Variants in NCAPG2 observed in about 807,000 individuals in gnomAD.
NCAPG2 encodes non-SMC condensin II complex subunit G2.
In NCAPG2, 53 loss-of-function variants were observed where a neutral mutation model predicts 141.1. That is an observed-to-expected ratio of 0.38 (90% CI 0.30 to 0.47). The LOEUF is 0.47. Among genes scored for constraint, NCAPG2 ranks in the 20% least tolerant of loss-of-function variants. The pLI is 0.99. For missense variants in NCAPG2, 1,087 were observed against 1,389.0 expected (o/e 0.78, Z 3.46); for synonymous variants, 499 against 490.7 (o/e 1.02, Z -0.22).
intron 11 of NCAPG2, among the ~76,000 whole-genome samples, chr7:158,677,174 ATAC>A (rs1171804164): frequency 6.6e-6 from 1 of 152,168 alleles, no homozygotes; most frequent in East Asian, 1.9e-4. Flanking sequence ...CCAGGAAGAG[ATAC>A]TGGGCAACAG....
intron 17 of NCAPG2, among the ~76,000 whole-genome samples, 187 bp downstream of exon 17, chr7:158,658,149 TAA>T (rs11444440): frequency 2.1e-4 from 20 of 97,476 alleles, no homozygotes; most frequent in Non-Finnish European, 1.5e-4. Flanking sequence ...GAATGATCAA[TAA>T]AAAAAAAAAA....
chr7:158,684,781 G>A (rs1221268891), intron 8 of NCAPG2, among the ~76,000 whole-genome samples: 1 of 152,230 alleles, frequency 6.6e-6, no homozygotes, highest in Non-Finnish European at 1.5e-5. Flanking sequence ...TCAAACTCCT[G>A]ACCTCAGGTG....
intron 2 of NCAPG2, among the ~76,000 whole-genome samples, chr7:158,697,688 C>T (rs990717466): frequency 2.7e-5 from 4 of 150,462 alleles, no homozygotes; most frequent in Non-Finnish European, 4.4e-5. Flanking sequence ...ATGGAATAAA[C>T]CTAAATGCCC....
intron 2 of NCAPG2, among the ~76,000 whole-genome samples, chr7:158,694,381 G>A (rs533996835): frequency 1.3e-4 from 20 of 152,218 alleles, no homozygotes; most frequent in Non-Finnish European, 1.5e-5. Context: ...AGGAATTATC[G>A]GGAGATGCTG....
intron 13 of NCAPG2, chr7:158,667,064 C>G (rs988159313): frequency 2.2e-6 from 2 of 918,232 alleles, no homozygotes; most frequent in Non-Finnish European, 2.6e-6. Context: ...GCCAGCCAGA[C>G]TGCCTCTTAT....
chr7:158,631,621 G>A lies in NCAPG2; in HGVS notation c.*45C>T, dbSNP rs935488601. ...GGAAAATACACAGGCATTTCAATTT[G>A]AATCACTTTTCCCTATTTTTACATG... On this transcript the variant is annotated 3_prime_UTR_variant, in exon 28 of 28. Coordinates refer to ENST00000356309, the MANE Select transcript of NCAPG2 (RefSeq NM_017760.7). 5 of 1,464,104 alleles carry A rather than the reference G, an allele frequency of 3.4e-6. No individual in the cohort carries two copies. The African/African-American group carries it at 4.2e-5, about 12-fold the overall frequency. 90.7% of individuals were successfully genotyped at this position (1,464,104 alleles called of 1,614,324 possible).
At chr7:158,674,377 C>T (rs1028505360) in intron 12 of NCAPG2, among the ~76,000 whole-genome samples, 1 of 151,944 alleles carries the variant, frequency 6.6e-6, no homozygotes, top group Non-Finnish European at 1.5e-5. Flanking sequence ...ACCTCTGCTT[C>T]CCACGCTCAA....
At chr7:158,655,973 G>A (rs1831942596) in intron 19 of NCAPG2, among the ~76,000 whole-genome samples, 1 of 152,206 alleles carries the variant, frequency 6.6e-6, no homozygotes. Flanking sequence ...CACATCTCCT[G>A]CAGAGGGTGT....
At chr7:158,661,492 A>C (rs962916133) in intron 16 of NCAPG2, among the ~76,000 whole-genome samples, 11 of 152,192 alleles carry the variant, frequency 7.2e-5, no homozygotes, top group Non-Finnish European at 1.5e-5. Flanking sequence ...AAAGGATTCA[A>C]AATTGCAGTT....
chr7:158,662,036 G>A (rs1268555153), intron 16 of NCAPG2, among the ~76,000 whole-genome samples, 158 bp downstream of exon 16: 1 of 152,210 alleles, frequency 6.6e-6, no homozygotes, highest in African/African-American at 2.4e-5. Flanking sequence ...AGGGGCAACA[G>A]AAAGAAACTA....
At chr7:158,693,997 G>T (rs1587298125) in intron 2 of NCAPG2, among the ~76,000 whole-genome samples, 1 of 152,112 alleles carries the variant, frequency 6.6e-6, no homozygotes. Flanking sequence ...GCAAATAGCG[G>T]CCCTCATCAA....
At chr7:158,686,581 G>A (rs1023322011) in intron 7 of NCAPG2, among the ~76,000 whole-genome samples, 6 of 152,172 alleles carry the variant, frequency 3.9e-5, no homozygotes, top group African/African-American at 1.2e-4. Flanking sequence ...TTGGAGTCAC[G>A]TTGGACTTTT....
rs758929307 is a variant in NCAPG2, at chr7:158,636,019, TTAAG to T, written c.3381-4306_3381-4303del. Among the ~76,000 whole-genome samples, 47 of 152,344 alleles carry T rather than the reference TTAAG, an allele frequency of 3.1e-4. 2 individuals are homozygous for T. The highest frequency in any genetic ancestry group is 9.2e-4 in the Admixed American group (14 of 15,300). ...TTTCTATAGTTTGCTTCTTGCATAT[TTAAG>T]TAAGAAGCCAATATTTCACAGTCCT... is the stretch of plus-strand genomic sequence containing the variant. On this transcript the variant is annotated intron_variant, in intron 27 of 27. Transcript: ENST00000356309.
chr7:158,663,782 C>T (rs1010339827), intron 15 of NCAPG2, among the ~76,000 whole-genome samples: 8 of 152,204 alleles, frequency 5.3e-5, no homozygotes, highest in African/African-American at 1.4e-4. Flanking sequence ...AAGTCTTAAA[C>T]GTTATTTTCT....
intron 15 of NCAPG2, 117 bp from the exon 16 acceptor site, chr7:158,662,484 C>T (rs914231601): frequency 1.1e-6 from 1 of 876,744 alleles, no homozygotes; most frequent in Non-Finnish European, 1.6e-6. Flanking sequence ...GTCTTACTTT[C>T]ACGTCTTCTA....
At chr7:158,652,810 T>A (rs1448655401) in intron 22 of NCAPG2, among the ~76,000 whole-genome samples, 1 of 152,344 alleles carries the variant, frequency 6.6e-6, no homozygotes, top group South Asian at 2.1e-4. Context: ...AACACCTGAA[T>A]TAGAGAACAG....
chr7:158,692,504 G>C (rs982828650), intron 4 of NCAPG2, among the ~76,000 whole-genome samples: 2 of 152,192 alleles, frequency 1.3e-5, no homozygotes, highest in African/African-American at 4.8e-5. Context: ...CCACGTGGGA[G>C]GCTGAGACGG....
At position 158,655,124 on chromosome 7, in the gene NCAPG2, A is replaced by G. The variant is rs1309776911; in HGVS notation, c.2640T>C (p.Ile880=). The change falls in exon 21 of 28, where the codon ATT becomes ATC. Residue 880 remains isoleucine (I), a synonymous_variant. Transcript: ENST00000356309. ...GTGTCTTAAGACTTCTAACCTGGAT[A>G]ATTTGCTGATAAATGACCCTATGAA... ...LKLHRVIYQQ[I]IQTYLTVCKD... The G allele has an allele frequency of 2.5e-6, 4 of 1,608,790 alleles. No homozygotes were observed. Among genetic ancestry groups the G allele is most frequent in the African/African-American group, 2.7e-5 (2 of 74,486 alleles).
At chr7:158,666,195 G>A (rs970912892) in intron 13 of NCAPG2, among the ~76,000 whole-genome samples, 3 of 152,146 alleles carry the variant, frequency 2.0e-5, no homozygotes, top group Non-Finnish European at 4.4e-5. Flanking sequence ...ACAAGAAAGA[G>A]AAAAATACTA....
Sources: allele counts gnomAD v4.1 joint callset (sites outside exome capture counted in the v4.1 genomes callset), GRCh38; gene constraint gnomAD v4.1.1; transcripts MANE v1.5; gene names NCBI Gene and HGNC (gene_info 2026-07-23, HGNC 2026-07-21).